The following REXO1 variants were observed in gnomAD, a reference collection of about 807,000 sequenced individuals.
The protein encoded by REXO1 is REX1, RNA exonuclease 1 homolog.
Under a neutral mutation model 102.6 loss-of-function variants are expected in REXO1, and 42 were observed. The observed-to-expected ratio is 0.41, with a 90% CI of 0.32 to 0.53. REXO1 has a LOEUF of 0.53. REXO1 is among the 20% of genes least tolerant of loss of function. REXO1 has a pLI of 0.27. For missense variants in REXO1, 1,819 were observed against 1,732.5 expected (o/e 1.05, Z -0.89); for synonymous variants, 908 against 779.1 (o/e 1.17, Z -2.76).
At chr19:1,836,146 C>T (rs532980036) in intron 1 of REXO1, among the ~76,000 whole-genome samples, 155 of 152,342 alleles carry the variant, frequency 1.0e-3, no homozygotes, top group Non-Finnish European at 2.0e-3. Context: ...CCACTGCCCC[C>T]GCCCCACCAC....
intron 12 of REXO1, 144 bp downstream of exon 12, chr19:1,817,075 G>A (rs1008283141): frequency 3.0e-6 from 3 of 1,014,926 alleles, no homozygotes; most frequent in Non-Finnish European, 4.3e-6. Flanking sequence ...TTGGTCCAGG[G>A]CAGGAGCCAC....
At chr19:1,829,357 G>GC (rs1209015965) in intron 1 of REXO1, among the ~76,000 whole-genome samples, 1 of 151,986 alleles carries the variant, frequency 6.6e-6, no homozygotes, top group Non-Finnish European at 1.5e-5. Flanking sequence ...TCCTGCCTCA[G>GC]CCCCCCAAGT....
At chr19:1,845,179 C>T (rs1255963642) in intron 1 of REXO1, among the ~76,000 whole-genome samples, 1 of 152,198 alleles carries the variant, frequency 6.6e-6, no homozygotes, top group African/African-American at 2.4e-5. Flanking sequence ...CAGGCTGCAG[C>T]CAAGGCCCAG....
rs779556626 is a variant in REXO1 at position 1,827,345 on chromosome 19, T to C, written c.1444A>G (p.Arg482Gly). The change falls in exon 2 of 16, where the codon AGG becomes GGG. Residue 482 changes from arginine to glycine, a missense_variant. Coordinates refer to ENST00000170168, the MANE Select transcript of REXO1 (RefSeq NM_020695.4). ...CCCGACGGGGCCTTGGTGCTCTTCC[T>C]GTCGGGCAGCTGGAGGGGGCGGGGT... ...GPPRPLQLPDRKSTKAPSGKL... is the reference protein window; with the variant it reads ...GPPRPLQLPDGKSTKAPSGKL... 21 of 1,550,542 alleles carry C rather than the reference T, an allele frequency of 1.4e-5. No individual in the cohort carries two copies. The highest frequency in any genetic ancestry group is 9.5e-5 in the East Asian group (4 of 41,970).
intron 1 of REXO1, chr19:1,834,839 C>A (rs1418713268): frequency 1.3e-5 from 3 of 239,848 alleles, no homozygotes; most frequent in South Asian, 3.2e-5. Flanking sequence ...ACAAAGACTG[C>A]ACCAAAAAGA....
intron 1 of REXO1, among the ~76,000 whole-genome samples, chr19:1,828,842 CAATGGGCGCTG>C (rs769544520): frequency 2.0e-5 from 3 of 152,272 alleles, no homozygotes; most frequent in South Asian, 2.1e-4. Context: ...TTGCCCTGAC[CAATGGGCGCTG>C]GATGGGCCTG....
In REXO1 at chr19:1,823,700, G is replaced by T. The variant is rs564664558; in HGVS notation, c.2102C>A (p.Ala701Glu). ...CAGCAAGCTCGCCGATGCCCTCTGC[G>T]CCTGCTGGGCCCGCAGGTAGCACAC... ...QEVCYLRAQQAQRASASLLQA... is the reference protein window; with the variant it reads ...QEVCYLRAQQEQRASASLLQA... The change falls in exon 4 of 16, where the codon GCG becomes GAG. Residue 701 changes from alanine to glutamate, a missense_variant. Ala to Glu is a moderately radical substitution (Grantham distance 107). Transcript: ENST00000170168. The T allele has an allele frequency of 1.6e-6, 2 of 1,277,144 alleles. No individual in the cohort carries two copies. The highest frequency in any genetic ancestry group is 2.0e-6 in the Non-Finnish European group (2 of 1,004,408). The allele number at this position is 1,277,144 out of a possible 1,614,324, so 79.1% of individuals were successfully genotyped here.
chr19:1,828,778 G>T, intron 1 of REXO1, 147 bp from the exon 2 acceptor site: 1 of 1,114,420 alleles, frequency 9.0e-7, no homozygotes, highest in African/African-American at 1.6e-5. Context: ...GCTCTGGGGT[G>T]CCCAGCTGGG....
In REXO1 at chr19:1,817,720, C is replaced by T; in HGVS notation, c.3077G>A (p.Cys1026Tyr). The T allele has an allele frequency of 1.2e-6, 2 of 1,612,288 alleles. No individual in the cohort carries two copies. Among genetic ancestry groups the T allele is most frequent in the Non-Finnish European group, 1.7e-6 (2 of 1,179,596 alleles). The change falls in exon 11 of 16, where the codon TGC (cysteine) becomes TAC (tyrosine). Residue 1026 changes from cysteine (C) to tyrosine (Y), a missense_variant. Physicochemically the swap from Cys to Tyr is radical, Grantham distance 194 (BLOSUM62 -2). Coordinates refer to ENST00000170168, the MANE Select transcript of REXO1 (RefSeq NM_020695.4). Reference protein sequence around the residue: ...CCSAAAGSVGCQVAKQHVQDG... With the variant: ...CCSAAAGSVGYQVAKQHVQDG... ...GCCAGGGCTCACCTTTGCGACTTGG[C>T]AGCCGACAGAGCCGGCGGCAGCCGA...
intron 1 of REXO1, among the ~76,000 whole-genome samples, chr19:1,835,525 G>C (rs1187088424): frequency 1.3e-5 from 2 of 152,176 alleles, no homozygotes; most frequent in African/African-American, 4.8e-5. Flanking sequence ...TCCAACCTGG[G>C]CGACAGAGCT....
In REXO1 at chr19:1,831,607, C is replaced by T. The variant is rs373822172; in HGVS notation, c.158-2976G>A. Among the ~76,000 whole-genome samples the T allele has an allele frequency of 3.9e-5, 6 of 151,970 alleles. No homozygotes were observed. In the East Asian group the frequency reaches 9.7e-4, roughly 24 times the overall value. On this transcript the variant is annotated intron_variant, in intron 1 of 15. Coordinates refer to ENST00000170168, the MANE Select transcript of REXO1 (RefSeq NM_020695.4). ...CCTGTAATCCCAGCACTTTGGGAGG[C>T]TGAGGCGGGCGGATCACCTGAGGTC...
rs565364283 is a variant in REXO1, at chr19:1,847,564, A to T, written c.157+638T>A. ...CCAAGAAACGCTGCCATGACGATGA[A>T]AACCACCATGACGCTGTGAGGTGGA... On this transcript the variant is annotated intron_variant, in intron 1 of 15. Coordinates refer to ENST00000170168, the MANE Select transcript of REXO1 (RefSeq NM_020695.4). Among the ~76,000 whole-genome samples the T allele has an allele frequency of 1.1e-4, 16 of 152,348 alleles. No individual in the cohort carries two copies. The South Asian group carries it at 3.3e-3, about 32-fold the overall frequency.
chr19:1,847,991 T>G (rs1330241346), intron 1 of REXO1, among the ~76,000 whole-genome samples: 2 of 152,188 alleles, frequency 1.3e-5, no homozygotes, highest in African/African-American at 4.8e-5. Flanking sequence ...TAGTTGACAT[T>G]TCACACTCGT....
intron 1 of REXO1, 147 bp from the exon 2 acceptor site, chr19:1,828,778 G>A (rs2069824287): frequency 2.7e-6 from 3 of 1,114,416 alleles, no homozygotes; most frequent in Non-Finnish European, 3.7e-6. Flanking sequence ...GCTCTGGGGT[G>A]CCCAGCTGGG....
chr19:1,820,040 C>T lies in REXO1; in HGVS notation c.2544G>A (p.Lys848=), dbSNP rs746317907. The change falls in exon 7 of 16, where the codon AAG becomes AAA. Residue 848 remains lysine (K), a synonymous_variant. Transcript: ENST00000170168. ...EAIEKALNEE[K]VAYDRSPSKN... ...TGCTGGGGCTGCGGTCATAGGCCAC[C>T]TTCTCCTCGTTCAGTGCCTGGGGGA... 4 of 1,604,034 alleles carry T rather than the reference C, an allele frequency of 2.5e-6. No individual in the cohort carries two copies. The East Asian group carries it at 8.9e-5, about 36-fold the overall frequency.
Position 1,818,602 on chromosome 19 carries a change from G to A in REXO1, c.2903-7C>T. 1 of 1,608,974 alleles carries A rather than the reference G, an allele frequency of 6.2e-7. No individual in the cohort carries two copies. The highest frequency in any genetic ancestry group is 8.5e-7 in the Non-Finnish European group (1 of 1,178,516). The stretch of plus-strand genomic sequence containing the variant: ...CAGCAGGTCCTGCAGGAAGCTGTGG[G>A]TGGGGACCCAGGTGGAAGCTGAGGC... On this transcript the variant is annotated splice_region_variant and splice_polypyrimidine_tract_variant and intron_variant, in intron 9 of 15. Transcript: ENST00000170168.
Position 1,827,549 on chromosome 19 carries a change from C to T in REXO1, c.1240G>A (p.Asp414Asn). 3 of 1,591,952 alleles carry T rather than the reference C, an allele frequency of 1.9e-6. No homozygotes were observed. The highest frequency in any genetic ancestry group is 2.6e-6 in the Non-Finnish European group (3 of 1,175,772). Residue 414 changes from aspartate (D) to asparagine (N), a missense_variant, in exon 2 of 16, where the codon GAC becomes AAC. Coordinates refer to ENST00000170168, the MANE Select transcript of REXO1 (RefSeq NM_020695.4). ...RGRPVEKPRA[D>N]KKGPQASSPR... ...CTGCTGGCCTGCGGGCCCTTCTTGTCCGCACGGGGCTTCTCCACAGGCCGC... is the reference window on the plus strand; with the variant it reads ...CTGCTGGCCTGCGGGCCCTTCTTGTTCGCACGGGGCTTCTCCACAGGCCGC...
intron 1 of REXO1, among the ~76,000 whole-genome samples, chr19:1,846,175 G>A (rs2011528194): frequency 1.3e-5 from 2 of 152,294 alleles, no homozygotes; most frequent in South Asian, 4.1e-4. Flanking sequence ...CATGGCAAAG[G>A]CTAGATCACG....
chr19:1,815,939 T>A lies in REXO1; in HGVS notation c.*127A>T. 6.5e-7 allele frequency: 1 copy of A among 1,534,998 alleles called. No individual in the cohort carries two copies. The highest frequency in any genetic ancestry group is 8.7e-7 in the Non-Finnish European group (1 of 1,146,480). On this transcript the variant is annotated 3_prime_UTR_variant, in exon 16 of 16. Coordinates refer to ENST00000170168, the MANE Select transcript of REXO1 (RefSeq NM_020695.4). This position sits in a 1 kb window ranked among gnomAD's most constrained non-coding sequence, Gnocchi z 4.0. ...TGGGCGTTCTCTGGCCGCCAGCTCA[T>A]CCCGCTGCTCTGGGCTGCCTCGGCC...
Sources: allele counts gnomAD v4.1 joint callset (sites outside exome capture counted in the v4.1 genomes callset), GRCh38; gene constraint gnomAD v4.1.1; non-coding constraint Gnocchi (gnomAD v3.1); transcripts MANE v1.5; gene names NCBI Gene and HGNC (gene_info 2026-07-23, HGNC 2026-07-21).